AUTS2: variants seen among roughly 807,000 people sequenced by gnomAD.
AUTS2 encodes the protein autism susceptibility gene 2 protein.
In AUTS2, 17 loss-of-function variants were observed where a neutral mutation model predicts 112.4. The observed-to-expected ratio is 0.15, with a 90% CI of 0.10 to 0.23. The LOEUF is 0.23. Ranked by LOEUF, AUTS2 falls within the 10% of genes least tolerant of loss-of-function variation. The pLI, the probability that AUTS2 is intolerant of heterozygous loss-of-function variation, is 1.00. For synonymous variants in AUTS2, 751 were observed against 702.7 expected, an observed-to-expected ratio of 1.07 and a Z score of -1.09; for missense variants, 1,510 against 1,701.6, an observed-to-expected ratio of 0.89 and a Z score of 1.98.
intron 1 of AUTS2, among the ~76,000 whole-genome samples, chr7:69,660,301 A>G (rs1448889470): frequency 1.3e-5 from 2 of 152,158 alleles, no homozygotes; most frequent in East Asian, 3.9e-4. Flanking sequence ...AGCAGCTTTC[A>G]TCATTTATAC....
chr7:70,490,375 C>A (rs1798184479), intron 5 of AUTS2, among the ~76,000 whole-genome samples: 1 of 151,712 alleles, frequency 6.6e-6, no homozygotes, highest in South Asian at 2.1e-4. Flanking sequence ...GAAGGATCAT[C>A]AGGACAGGAG....
At chr7:69,859,390 G>A (rs369852835) in intron 1 of AUTS2, among the ~76,000 whole-genome samples, 12 of 152,176 alleles carry the variant, frequency 7.9e-5, no homozygotes, top group African/African-American at 2.9e-4. Flanking sequence ...AGTTTTGCAG[G>A]ATAATTTTCT....
At chr7:70,397,569 G>GA (rs1794142496) in intron 4 of AUTS2, among the ~76,000 whole-genome samples, 2 of 151,012 alleles carry the variant, frequency 1.3e-5, no homozygotes, top group Admixed American at 6.6e-5. Context: ...GATTATATAT[G>GA]AAAAAATATT....
intron 4 of AUTS2, among the ~76,000 whole-genome samples, chr7:70,370,566 T>C (rs1792794860): frequency 6.6e-6 from 1 of 152,266 alleles, no homozygotes; most frequent in Non-Finnish European, 1.5e-5. Flanking sequence ...CACCACATTT[T>C]GTTTATCCAT....
At chr7:70,435,990 C>A in intron 5 of AUTS2, 1 of 493,776 alleles carries the variant, frequency 2.0e-6, no homozygotes, top group Non-Finnish European at 3.6e-6. Flanking sequence ...TTAAACAAGA[C>A]CTTTAATATT....
At chr7:70,552,001 T>A (rs1363052243) in intron 5 of AUTS2, among the ~76,000 whole-genome samples, 1 of 152,236 alleles carries the variant, frequency 6.6e-6, no homozygotes, top group African/African-American at 2.4e-5. Flanking sequence ...GAAGCATTGC[T>A]GAATTATCTC....
At chr7:70,212,439 G>T (rs1222319164) in intron 4 of AUTS2, among the ~76,000 whole-genome samples, 1 of 152,148 alleles carries the variant, frequency 6.6e-6, no homozygotes, top group Non-Finnish European at 1.5e-5. Context: ...TTCCTGAATT[G>T]ATTTGCATAC....
chr7:70,502,294 C>T (rs912349287), intron 5 of AUTS2, among the ~76,000 whole-genome samples: 2 of 152,218 alleles, frequency 1.3e-5, no homozygotes, highest in Admixed American at 6.5e-5. Flanking sequence ...ATTAATGGCA[C>T]ACCTTCTGAA....
chr7:70,134,287 A>G (rs1185229913), intron 3 of AUTS2, among the ~76,000 whole-genome samples: 2 of 152,174 alleles, frequency 1.3e-5, no homozygotes, highest in African/African-American at 2.4e-5. Context: ...TAAATTGGCA[A>G]TTACATCCAC....
intron 2 of AUTS2, among the ~76,000 whole-genome samples, chr7:70,008,041 G>A (rs1400202815): frequency 5.9e-5 from 9 of 151,954 alleles, no homozygotes; most frequent in African/African-American, 2.2e-4. Context: ...TATGTTCTGT[G>A]TGGCTGCTTT....
intron 4 of AUTS2, among the ~76,000 whole-genome samples, chr7:70,174,543 C>G (rs1808882184): frequency 6.6e-6 from 1 of 152,194 alleles, no homozygotes; most frequent in South Asian, 2.1e-4. Context: ...CTATGACTTT[C>G]AAAGCTAGAA....
At chr7:70,102,309 G>A (rs910197039) in intron 2 of AUTS2, among the ~76,000 whole-genome samples, 57 of 151,518 alleles carry the variant, frequency 3.8e-4, no homozygotes, top group Non-Finnish European at 3.2e-4. Flanking sequence ...TAGTAGAGAC[G>A]GGGTTTCACC....
chr7:69,968,688 C>T (rs1415738032), intron 2 of AUTS2, among the ~76,000 whole-genome samples: 6 of 152,118 alleles, frequency 3.9e-5, no homozygotes, highest in African/African-American at 1.4e-4. Flanking sequence ...TAGAGTTAAG[C>T]TGAGGCTCTA....
chr7:70,378,364 G>A (rs1373466828), intron 4 of AUTS2, among the ~76,000 whole-genome samples: 1 of 151,994 alleles, frequency 6.6e-6, no homozygotes, highest in Non-Finnish European at 1.5e-5. Flanking sequence ...ATATTCTTAC[G>A]GTTCTTTCCT....
At chr7:69,812,554 CTAT>C (rs998912524) in intron 1 of AUTS2, among the ~76,000 whole-genome samples, 49 of 152,304 alleles carry the variant, frequency 3.2e-4, no homozygotes, top group African/African-American at 1.1e-3. Context: ...TAAACATGTC[CTAT>C]TATTCTGAAT....
At chr7:69,797,639 A>G (rs1394784713) in intron 1 of AUTS2, among the ~76,000 whole-genome samples, 2 of 152,162 alleles carry the variant, frequency 1.3e-5, no homozygotes, top group Non-Finnish European at 2.9e-5. Context: ...CTCTGCTCTC[A>G]TGTGGGCTCT....
intron 4 of AUTS2, among the ~76,000 whole-genome samples, chr7:70,271,270 T>C (rs1220883831): frequency 6.6e-6 from 1 of 152,202 alleles, no homozygotes; most frequent in Non-Finnish European, 1.5e-5. Flanking sequence ...ACTCTTTTCT[T>C]CAGAATGCTT....
At chr7:69,823,077 A>G (rs1263647153) in intron 1 of AUTS2, among the ~76,000 whole-genome samples, 1 of 152,182 alleles carries the variant, frequency 6.6e-6, no homozygotes, top group African/African-American at 2.4e-5. Flanking sequence ...CTTCCTAGCA[A>G]GCATATTGGT....
At chr7:69,689,710 C>G (rs1386854912) in intron 1 of AUTS2, among the ~76,000 whole-genome samples, 1 of 149,114 alleles carries the variant, frequency 6.7e-6, no homozygotes, top group Non-Finnish European at 1.5e-5. Context: ...CAGAGTCTCT[C>G]TCTGTCGGCC....
Sources: gnomAD v4.1 joint callset for allele counts (sites outside exome capture counted in the v4.1 genomes callset) on GRCh38, gnomAD v4.1.1 for gene constraint, MANE v1.5 for transcripts, NCBI Gene and HGNC (gene_info 2026-07-23, HGNC 2026-07-21) for gene names.